ABCC5: variants seen among roughly 807,000 people sequenced by gnomAD.
The protein encoded by ABCC5 is ATP-binding cassette sub-family C member 5.
ABCC5 carries 61 observed loss-of-function variants against 160.9 expected under a neutral mutation model. The observed-to-expected ratio is 0.38, with a 90% CI of 0.31 to 0.47. The LOEUF is 0.47. Among genes scored for constraint, ABCC5 ranks in the 20% least tolerant of loss-of-function variants. The probability of loss-of-function intolerance (pLI) is 0.99; values close to 1 mark genes in which losing one functional copy is unlikely to be tolerated. For missense variants in ABCC5, 1,308 were observed against 1,813.3 expected (o/e 0.72, Z 5.06); for synonymous variants, 666 against 700.6 (o/e 0.95, Z 0.78).
At chr3:183,940,311 AACATGGC>A (rs1347959158) in intron 25 of ABCC5, among the ~76,000 whole-genome samples, 1 of 150,116 alleles carries the variant, frequency 6.7e-6, no homozygotes, top group African/African-American at 2.4e-5. Context: ...CAGCCTGGCA[AACATGGC>A]AAAACCCTGT....
intron 1 of ABCC5, among the ~76,000 whole-genome samples, chr3:184,016,333 AAG>A (rs1722190635): frequency 6.6e-6 from 1 of 152,184 alleles, no homozygotes; most frequent in Non-Finnish European, 1.5e-5. Flanking sequence ...TTCCTGGAAA[AAG>A]AGGCACAATC....
intron 2 of ABCC5, chr3:184,000,925 T>C (rs1720696322): frequency 6.2e-6 from 2 of 322,034 alleles, no homozygotes; most frequent in African/African-American, 2.1e-5. Flanking sequence ...AGCCACATAA[T>C]GTAATTTAAA....
Position 183,950,139 on chromosome 3 carries a change from T to C in ABCC5, c.2945-14A>G, listed in dbSNP as rs368274057. The stretch of plus-strand genomic sequence containing the variant: ...GCCGCACGTCAACTGTGGAAACAAA[T>C]AAAGGAGCAAGTGTCAGATGGTTTG... On this transcript the variant is annotated splice_polypyrimidine_tract_variant and intron_variant, in intron 20 of 29. Coordinates refer to ENST00000334444, the MANE Select transcript of ABCC5 (RefSeq NM_005688.4). 8 of 1,604,018 alleles carry C rather than the reference T, an allele frequency of 5.0e-6. No individual in the cohort carries two copies. In the South Asian group the frequency reaches 5.6e-5, roughly 11 times the overall value.
rs1228836435 is a variant in ABCC5 at position 183,921,824 on chromosome 3, G to C, written c.4213-423C>G. Among the ~76,000 whole-genome samples the C allele has an allele frequency of 6.6e-6, 1 of 152,088 alleles. No individual in the cohort carries two copies. Among genetic ancestry groups the C allele is most frequent in the Non-Finnish European group, 1.5e-5 (1 of 68,012 alleles). ...GTGGGCAGACTGCCTGAGGTGAGGA[G>C]TTCAAGACCAGCCTGGCCAACATGG... On this transcript the variant is annotated intron_variant, in intron 29 of 29. Coordinates refer to ENST00000334444, the MANE Select transcript of ABCC5 (RefSeq NM_005688.4). This position sits in a 1 kb window ranked among gnomAD's most constrained non-coding sequence, Gnocchi z 4.1.
intron 2 of ABCC5, among the ~76,000 whole-genome samples, chr3:183,996,244 T>C (rs1004024327): frequency 1.3e-5 from 2 of 152,202 alleles, no homozygotes; most frequent in African/African-American, 4.8e-5. Context: ...CTTTCATCCA[T>C]TCTTTCCACA....
intron 11 of ABCC5, 100 bp downstream of exon 11, chr3:183,971,461 GCC>G (rs1473807498): frequency 1.1e-5 from 12 of 1,116,814 alleles, no homozygotes; most frequent in Non-Finnish European, 1.3e-5. Context: ...ATCACTCCTA[GCC>G]ACAAAGCACT....
chr3:183,974,165 C>T (rs1032232548), intron 10 of ABCC5, among the ~76,000 whole-genome samples: 1 of 152,194 alleles, frequency 6.6e-6, no homozygotes, highest in African/African-American at 2.4e-5. Context: ...TAAGCCTCAA[C>T]TTTATCACAG....
chr3:183,988,821 G>C lies in ABCC5; in HGVS notation c.288-94C>G. On this transcript the variant is annotated intron_variant, in intron 3 of 29. Transcript: ENST00000334444. This position sits in a 1 kb window ranked among gnomAD's most constrained non-coding sequence, Gnocchi z 4.4. ...CACTGTTTAGTGAACACAGCTCTTA[G>C]CTAAAGACCAGTCTCCCCAGATGAT... 1 of 1,354,972 alleles carries C rather than the reference G, an allele frequency of 7.4e-7. No homozygotes were observed. Among genetic ancestry groups the C allele is most frequent in the Non-Finnish European group, 1.0e-6 (1 of 999,088 alleles). The allele number at this position is 1,354,972 out of a possible 1,614,324, so 83.9% of individuals were successfully genotyped here. A position where few individuals can be genotyped will look rare whatever the true frequency, so the allele number is the denominator to read the frequency against.
intron 17 of ABCC5, among the ~76,000 whole-genome samples, chr3:183,956,412 G>A (rs1438103235): frequency 1.3e-5 from 2 of 151,530 alleles, no homozygotes; most frequent in Non-Finnish European, 2.9e-5. Flanking sequence ...AGATCCGTGT[G>A]TATATCATAT....
chr3:183,998,946 C>T (rs1168885243), intron 2 of ABCC5, among the ~76,000 whole-genome samples: 1 of 151,882 alleles, frequency 6.6e-6, no homozygotes, highest in African/African-American at 2.4e-5. Flanking sequence ...AAAAATTAGG[C>T]GGGCATGGTG....
At chr3:183,926,322 C>CA (rs1320220285) in intron 28 of ABCC5, among the ~76,000 whole-genome samples, 3 of 151,516 alleles carry the variant, frequency 2.0e-5, no homozygotes, top group Non-Finnish European at 4.4e-5. Context: ...GAGGCCGAGG[C>CA]AGGCGGATCA....
chr3:183,922,254 C>T (rs1442018734), intron 29 of ABCC5, among the ~76,000 whole-genome samples: 5 of 152,094 alleles, frequency 3.3e-5, no homozygotes. Flanking sequence ...TGCCTGTAAT[C>T]CCAGCTACTG....
intron 2 of ABCC5, among the ~76,000 whole-genome samples, chr3:183,997,772 A>G (rs1276447033): frequency 2.6e-5 from 4 of 152,090 alleles, no homozygotes; most frequent in Non-Finnish European, 5.9e-5. Flanking sequence ...TAGATTCTCT[A>G]GCTGTTTTGC....
rs1719394093 is a variant in ABCC5, at chr3:183,988,095, C to T, written c.444-178G>A. Among the ~76,000 whole-genome samples, 1 of 152,166 alleles carries T rather than the reference C, an allele frequency of 6.6e-6. No individual in the cohort carries two copies. Among genetic ancestry groups the T allele is most frequent in the Non-Finnish European group, 1.5e-5 (1 of 68,026 alleles). On this transcript the variant is annotated intron_variant, in intron 4 of 29. Coordinates refer to ENST00000334444, the MANE Select transcript of ABCC5 (RefSeq NM_005688.4). This position sits in a 1 kb window ranked among gnomAD's most constrained non-coding sequence, Gnocchi z 4.4. The stretch of plus-strand genomic sequence containing the variant: ...AAAATACCCTTCCTAGGGAACTACA[C>T]ATTTACCCTGTATAAGGAGCCTCCC...
chr3:183,984,970 A>G, intron 5 of ABCC5: 10 of 1,284,478 alleles, frequency 7.8e-6, no homozygotes, highest in Non-Finnish European at 9.8e-6. Context: ...AGCACTGGGT[A>G]ATAGCATCAG....
At chr3:184,016,634 G>A (rs1423517216) in intron 1 of ABCC5, among the ~76,000 whole-genome samples, 1 of 152,162 alleles carries the variant, frequency 6.6e-6, no homozygotes, top group Non-Finnish European at 1.5e-5. Context: ...ATGCTCACTT[G>A]CCTCAGCTAT....
At chr3:184,014,118 C>T in intron 2 of ABCC5, 146 bp downstream of exon 2, 1 of 562,792 alleles carries the variant, frequency 1.8e-6, no homozygotes, top group East Asian at 3.7e-5. Context: ...GATGATCCAC[C>T]CGCCTCAGCC....
intron 2 of ABCC5, among the ~76,000 whole-genome samples, chr3:184,007,727 T>G (rs1409689185): frequency 6.6e-6 from 1 of 152,110 alleles, no homozygotes; most frequent in Non-Finnish European, 1.5e-5. Context: ...CTTGGGAGAC[T>G]GAGAGAGGAG....
At chr3:183,997,738 G>A (rs150622650) in intron 2 of ABCC5, among the ~76,000 whole-genome samples, 6 of 152,210 alleles carry the variant, frequency 3.9e-5, no homozygotes, top group Admixed American at 3.3e-4. Context: ...CCACTGAGGC[G>A]ATCTTACCCA....
Sources: gnomAD v4.1 joint callset for allele counts (sites outside exome capture counted in the v4.1 genomes callset) on GRCh38, gnomAD v4.1.1 for gene constraint, Gnocchi (gnomAD v3.1) non-coding constraint, MANE v1.5 for transcripts, NCBI Gene and HGNC (gene_info 2026-07-23, HGNC 2026-07-21) for gene names.